Variants in HIVEP2 observed in about 807,000 individuals in gnomAD.
The protein encoded by HIVEP2 is transcription factor HIVEP2.
Under a neutral mutation model 180.7 loss-of-function variants are expected in HIVEP2, and 14 were observed. The observed-to-expected ratio is 0.08, with a 90% confidence interval of 0.05 to 0.12. The LOEUF (loss-of-function observed/expected upper bound fraction) is 0.12, where lower values mean the gene tolerates loss of function less well. Ranked by LOEUF, HIVEP2 falls within the 10% of genes least tolerant of loss-of-function variation. HIVEP2 has a pLI of 1.00. For synonymous variants in HIVEP2, 1,184 were observed against 1,136.4 expected (o/e 1.04, Z -0.84); for missense variants, 2,579 against 3,008.5 (o/e 0.86, Z 3.34).
At chr6:142,834,374 T>A (rs1031020169) in intron 2 of HIVEP2, among the ~76,000 whole-genome samples, 2 of 152,192 alleles carry the variant, frequency 1.3e-5, no homozygotes, top group Non-Finnish European at 2.9e-5. Context: ...CTAACAGTAA[T>A]AATTGTATAA....
intron 1 of HIVEP2, chr6:142,944,898 G>A (rs975350389): frequency 6.6e-6 from 1 of 152,242 alleles, no homozygotes; most frequent in Non-Finnish European, 1.5e-5. Context: ...ACCTTCCATC[G>A]AGACAGTCCC....
At chr6:142,885,073 T>G (rs914360186) in intron 1 of HIVEP2, among the ~76,000 whole-genome samples, 1 of 152,166 alleles carries the variant, frequency 6.6e-6, no homozygotes, top group Non-Finnish European at 1.5e-5. Context: ...AGGATTGTAA[T>G]AGTCCAGTTG....
chr6:142,764,584 T>C (rs901528964), intron 7 of HIVEP2, among the ~76,000 whole-genome samples: 5 of 152,228 alleles, frequency 3.3e-5, no homozygotes, highest in African/African-American at 1.2e-4. Context: ...GGCCTGGACC[T>C]ATGTCTACTG....
chr6:142,752,346 T>G lies in HIVEP2; in HGVS notation c.*761A>C, dbSNP rs1774942793. 6.6e-6 allele frequency: 1 copy of G among 152,606 alleles called. No homozygotes were observed. Among genetic ancestry groups the G allele is most frequent in the South Asian group, 2.1e-4 (1 of 4,824 alleles). 9.5% of individuals were successfully genotyped at this position (152,606 alleles called of 1,614,324 possible). On this transcript the variant is annotated 3_prime_UTR_variant, in exon 10 of 10. Transcript: ENST00000367603. ...ATAGCACATTGTTTACTTTAATGCT[T>G]TACGGTACTATCATTTTAAAATCAC...
At chr6:142,891,269 C>T (rs1323130385) in intron 1 of HIVEP2, among the ~76,000 whole-genome samples, 1 of 152,074 alleles carries the variant, frequency 6.6e-6, no homozygotes, top group Non-Finnish European at 1.5e-5. Flanking sequence ...TGTTCTTGTA[C>T]TCAAGGAATT....
chr6:142,770,744 G>A lies in HIVEP2; in HGVS notation c.3995C>T (p.Thr1332Ile), dbSNP rs753681668. ...CGTCTGGATCCGAACAGGAACCACTGTTCCTGGGAGGGACTGCAAAGACCC... is the reference window on the plus strand; with the variant it reads ...CGTCTGGATCCGAACAGGAACCACTATTCCTGGGAGGGACTGCAAAGACCC... ...NAGSLQSLPG[T>I]VVPVRIQTHV... The change falls in exon 5 of 10, where the codon ACA becomes ATA. Residue 1332 changes from threonine to isoleucine, a missense_variant. This residue lies in a region of HIVEP2 where 523 missense variants were observed against 577.0 expected (regional missense o/e 0.91). Transcript: ENST00000367603. The surrounding 1 kb of genome is among the most constrained non-coding windows in gnomAD (Gnocchi z 4.7). 3 of 1,614,178 alleles carry A rather than the reference G, an allele frequency of 1.9e-6. No individual in the cohort carries two copies. Among genetic ancestry groups the A allele is most frequent in the Non-Finnish European group, 2.5e-6 (3 of 1,180,016 alleles).
Position 142,774,462 on chromosome 6 carries a change from A to G in HIVEP2, c.277T>C (p.Ser93Pro). The change falls in exon 5 of 10, where the codon TCA (serine) becomes CCA (proline). Residue 93 changes from serine (S) to proline (P), a missense_variant. Around this residue, in one of 11 missense-constraint regions of HIVEP2, gnomAD observed 207 missense variants for 210.1 expected, o/e 0.99. Transcript: ENST00000367603. The surrounding 1 kb of genome is among the most constrained non-coding windows in gnomAD (Gnocchi z 5.1). Reference protein sequence around the residue: ...QYPPHRPSPYSCQHSLSFPQH... With the variant: ...QYPPHRPSPYPCQHSLSFPQH... Reference sequence around the variant, plus strand: ...GGGAAAGAGAGTGAGTGTTGGCATGAGTAAGGACTCGGACGATGCGGTGGA... The same window carrying G: ...GGGAAAGAGAGTGAGTGTTGGCATGGGTAAGGACTCGGACGATGCGGTGGA... 1.2e-6 allele frequency: 2 copies of G among 1,614,086 alleles called. No homozygotes were observed. Among genetic ancestry groups the G allele is most frequent in the Non-Finnish European group, 1.7e-6 (2 of 1,179,998 alleles).
Position 142,771,248 on chromosome 6 carries a change from T to C in HIVEP2, c.3491A>G (p.Gln1164Arg). Reference sequence around the variant, plus strand: ...GATCAAGGGATTTCTCAAAGATTCCTGACTGTCCATGTGCATGATCTGTGG... The same window carrying C: ...GATCAAGGGATTTCTCAAAGATTCCCGACTGTCCATGTGCATGATCTGTGG... Reference protein sequence around the residue: ...AQPQIMHMDSQESLRNPLIQP... With the variant: ...AQPQIMHMDSRESLRNPLIQP... Residue 1164 changes from glutamine (Q) to arginine (R), a missense_variant, in exon 5 of 10, where the codon CAG (glutamine) becomes CGG (arginine). Around this residue, in one of 11 missense-constraint regions of HIVEP2, gnomAD observed 523 missense variants for 577.0 expected, o/e 0.91. Transcript: ENST00000367603. This position sits in a 1 kb window ranked among gnomAD's most constrained non-coding sequence, Gnocchi z 5.4. 1 of 1,614,120 alleles carries C rather than the reference T, an allele frequency of 6.2e-7. No homozygotes were observed. Among genetic ancestry groups the C allele is most frequent in the Non-Finnish European group, 8.5e-7 (1 of 1,180,014 alleles).
At chr6:142,795,541 G>A (rs1032267759) in intron 2 of HIVEP2, among the ~76,000 whole-genome samples, 2 of 152,128 alleles carry the variant, frequency 1.3e-5, no homozygotes, top group Non-Finnish European at 2.9e-5. Flanking sequence ...GAGGGCCTTA[G>A]ATAAGGTGCC....
intron 2 of HIVEP2, among the ~76,000 whole-genome samples, chr6:142,797,724 G>T (rs1358023003): frequency 6.6e-6 from 1 of 152,214 alleles, no homozygotes; most frequent in East Asian, 1.9e-4. Flanking sequence ...TGTTATAATT[G>T]TCCTTTTTAA....
At chr6:142,874,954 C>G (rs542930733) in intron 1 of HIVEP2, among the ~76,000 whole-genome samples, 2 of 152,256 alleles carry the variant, frequency 1.3e-5, no homozygotes, top group South Asian at 4.1e-4. Context: ...ATCTTCTCTA[C>G]TAGGCACTGA....
intron 1 of HIVEP2, among the ~76,000 whole-genome samples, chr6:142,897,596 CAT>C: frequency 6.6e-6 from 1 of 152,304 alleles, no homozygotes; most frequent in South Asian, 2.1e-4. Context: ...GACACACACA[CAT>C]GACGCAGAGC....
intron 1 of HIVEP2, among the ~76,000 whole-genome samples, chr6:142,905,688 C>T (rs1777243792): frequency 6.6e-6 from 1 of 152,182 alleles, no homozygotes; most frequent in South Asian, 2.1e-4. Flanking sequence ...TATAAATCTA[C>T]ATTTAATCTG....
At chr6:142,915,105 T>C (rs1228339232) in intron 1 of HIVEP2, among the ~76,000 whole-genome samples, 2 of 152,228 alleles carry the variant, frequency 1.3e-5, no homozygotes, top group African/African-American at 4.8e-5. Flanking sequence ...GAATGGGAAC[T>C]GGGTCATGAT....
rs901682358 is a variant in HIVEP2 at position 142,774,873 on chromosome 6, C to T, written c.-135G>A. On this transcript the variant is annotated 5_prime_UTR_variant, in exon 5 of 10. Coordinates refer to ENST00000367603, the MANE Select transcript of HIVEP2 (RefSeq NM_006734.4). This position sits in a 1 kb window ranked among gnomAD's most constrained non-coding sequence, Gnocchi z 5.1. ...TCTGCAAACTTGCTGATTGCTCCTT[C>T]TCTTTGGAACCTTCCACACGCACAC... The T allele has an allele frequency of 6.6e-7, 1 of 1,508,228 alleles. No individual in the cohort carries two copies. Among genetic ancestry groups the T allele is most frequent in the Admixed American group, 2.2e-5 (1 of 44,476 alleles). The allele number at this position is 1,508,228 out of a possible 1,614,324, so 93.4% of individuals were successfully genotyped here.
At position 142,752,330 on chromosome 6, in the gene HIVEP2, T is replaced by C. The variant is rs913097068; in HGVS notation, c.*777A>G. On this transcript the variant is annotated 3_prime_UTR_variant, in exon 10 of 10. Coordinates refer to ENST00000367603, the MANE Select transcript of HIVEP2 (RefSeq NM_006734.4). ...TTTGAAAAAACTCACAATAGCACAT[T>C]GTTTACTTTAATGCTTTACGGTACT... 6.6e-6 allele frequency: 1 copy of C among 152,658 alleles called. No homozygotes were observed. The highest frequency in any genetic ancestry group is 2.4e-5 in the African/African-American group (1 of 41,464). 9.5% of individuals were successfully genotyped at this position (152,658 alleles called of 1,614,324 possible). A position where few individuals can be genotyped will look rare whatever the true frequency, so the allele number is the denominator to read the frequency against.
intron 2 of HIVEP2, among the ~76,000 whole-genome samples, chr6:142,805,346 C>T (rs1776521269): frequency 7.2e-6 from 1 of 139,134 alleles, no homozygotes; most frequent in Non-Finnish European, 1.6e-5. Flanking sequence ...AAGGAACCCC[C>T]CAGCTCCTCT....
chr6:142,795,156 G>C (rs946001102), intron 2 of HIVEP2, among the ~76,000 whole-genome samples: 3 of 152,030 alleles, frequency 2.0e-5, no homozygotes, highest in African/African-American at 7.2e-5. Flanking sequence ...TTTAAACAAG[G>C]CAACCAGAAG....
At chr6:142,827,590 A>G (rs1284724415) in intron 2 of HIVEP2, among the ~76,000 whole-genome samples, 1 of 152,212 alleles carries the variant, frequency 6.6e-6, no homozygotes, top group African/African-American at 2.4e-5. Context: ...ATGGGAAAAG[A>G]GCCAAGGAGA....
Sources: allele counts gnomAD v4.1 joint callset (sites outside exome capture counted in the v4.1 genomes callset), GRCh38; gene constraint gnomAD v4.1.1; regional missense constraint gnomAD v4.1.1; non-coding constraint Gnocchi (gnomAD v3.1); transcripts MANE v1.5; gene names NCBI Gene and HGNC (gene_info 2026-07-23, HGNC 2026-07-21).